The following HS3ST3A1 variants were observed in gnomAD, a reference collection of about 807,000 sequenced individuals.
HS3ST3A1 encodes heparan sulfate glucosamine 3-O-sulfotransferase 3A1.
Under a neutral mutation model 25.7 loss-of-function variants are expected in HS3ST3A1, and 19 were observed. The ratio of observed to expected loss-of-function variants is 0.74; its 90% confidence interval spans 0.52 to 1.08. The LOEUF (loss-of-function observed/expected upper bound fraction) is 1.08. Ranked by LOEUF, HS3ST3A1 falls within the 50% of genes least tolerant of loss-of-function variation. The pLI, the probability that HS3ST3A1 is intolerant of heterozygous loss-of-function variation, is 0.00. For missense variants in HS3ST3A1, 459 were observed against 594.3 expected, an observed-to-expected ratio of 0.77 and a Z score of 2.37; for synonymous variants, 226 against 278.6, an observed-to-expected ratio of 0.81 and a Z score of 1.88.
chr17:13,563,650 A>G (rs1318753765), intron 1 of HS3ST3A1, among the ~76,000 whole-genome samples: 1 of 152,144 alleles, frequency 6.6e-6, no homozygotes, highest in Non-Finnish European at 1.5e-5. Flanking sequence ...TAACTCTGGG[A>G]ATCACTAAGT....
intron 1 of HS3ST3A1, among the ~76,000 whole-genome samples, chr17:13,562,181 C>CG (rs1306988721): frequency 2.0e-5 from 3 of 152,152 alleles, no homozygotes; most frequent in Admixed American, 1.3e-4. Flanking sequence ...AATAGGCAAG[C>CG]AGTAACTTTG....
At chr17:13,528,732 G>A (rs1328555177) in intron 1 of HS3ST3A1, among the ~76,000 whole-genome samples, 1 of 152,176 alleles carries the variant, frequency 6.6e-6, no homozygotes, top group Non-Finnish European at 1.5e-5. Context: ...TCCAACCACT[G>A]GGGGAACTGA....
chr17:13,510,948 C>T (rs185016289), intron 1 of HS3ST3A1, among the ~76,000 whole-genome samples: 1 of 152,200 alleles, frequency 6.6e-6, no homozygotes, highest in African/African-American at 2.4e-5. Context: ...TTATTAATCA[C>T]TCTTATGATA....
intron 1 of HS3ST3A1, among the ~76,000 whole-genome samples, chr17:13,529,470 C>T (rs992355465): frequency 3.3e-5 from 5 of 151,908 alleles, no homozygotes; most frequent in African/African-American, 4.8e-5. Flanking sequence ...AAAAAATTAC[C>T]AAACTGCATT....
intron 1 of HS3ST3A1, among the ~76,000 whole-genome samples, chr17:13,563,797 G>A (rs1262380020): frequency 6.6e-6 from 1 of 152,090 alleles, no homozygotes; most frequent in Non-Finnish European, 1.5e-5. Context: ...TGGAGTATGC[G>A]GTTGCAGCTC....
intron 1 of HS3ST3A1, among the ~76,000 whole-genome samples, chr17:13,566,331 T>C (rs1274085659): frequency 6.6e-6 from 1 of 152,218 alleles, no homozygotes; most frequent in Non-Finnish European, 1.5e-5. Flanking sequence ...AGGAATTTTA[T>C]TGATAAATGT....
At chr17:13,571,518 G>A (rs866504677) in intron 1 of HS3ST3A1, among the ~76,000 whole-genome samples, 2 of 152,172 alleles carry the variant, frequency 1.3e-5, no homozygotes, top group South Asian at 4.1e-4. Flanking sequence ...TCACCTCAAT[G>A]ACTGACAATT....
chr17:13,504,596 G>C (rs1905595910), intron 1 of HS3ST3A1, among the ~76,000 whole-genome samples: 1 of 152,106 alleles, frequency 6.6e-6, no homozygotes, highest in Non-Finnish European at 1.5e-5. Flanking sequence ...CTTGAGCTGT[G>C]TCCCATGATT....
intron 1 of HS3ST3A1, among the ~76,000 whole-genome samples, chr17:13,546,058 C>T (rs1263732768): frequency 6.6e-6 from 1 of 152,004 alleles, no homozygotes; most frequent in African/African-American, 2.4e-5. Flanking sequence ...AGAGAGAGTG[C>T]GTATGTGCAT....
rs151225974 is a variant in HS3ST3A1 at position 13,584,481 on chromosome 17, C to T, written c.599+16050G>A. On this transcript the variant is annotated intron_variant, in intron 1 of 1. Transcript: ENST00000284110. ...AGGAAGGAAGGAAGGAAGGGAGAGA[C>T]GGAGGGAGGGAGGGAGGCAAAGAAG... is the stretch of plus-strand genomic sequence containing the variant. Among the ~76,000 whole-genome samples the T allele has an allele frequency of 8.1e-3, 478 of 59,356 alleles. 3 individuals carry two copies. The highest frequency in any genetic ancestry group is 0.02 in the African/African-American group (444 of 22,112). The allele number at this position is 59,356 out of a possible 152,430, so 38.9% of individuals were successfully genotyped here. A position where few individuals can be genotyped will look rare whatever the true frequency, so the allele number is the denominator to read the frequency against.
intron 1 of HS3ST3A1, among the ~76,000 whole-genome samples, chr17:13,553,413 C>A (rs1025328636): frequency 6.6e-6 from 1 of 152,174 alleles, no homozygotes; most frequent in Non-Finnish European, 1.5e-5. Flanking sequence ...CATCATTGCA[C>A]TGGCAGCTTT....
intron 1 of HS3ST3A1, among the ~76,000 whole-genome samples, chr17:13,541,187 C>T (rs1370610506): frequency 6.6e-6 from 1 of 152,124 alleles, no homozygotes; most frequent in South Asian, 2.1e-4. Flanking sequence ...GCTAAAGAGG[C>T]TAAGACTACA....
intron 1 of HS3ST3A1, among the ~76,000 whole-genome samples, chr17:13,597,465 A>G (rs975326735): frequency 6.6e-6 from 1 of 152,162 alleles, no homozygotes; most frequent in Non-Finnish European, 1.5e-5. Flanking sequence ...CATACATACA[A>G]GAGAAATGGA....
chr17:13,569,181 G>A (rs1907743679), intron 1 of HS3ST3A1, among the ~76,000 whole-genome samples: 1 of 152,116 alleles, frequency 6.6e-6, no homozygotes, highest in Non-Finnish European at 1.5e-5. Context: ...CTTTTCTCCT[G>A]TTTATTGTCT....
chr17:13,538,066 A>G (rs1006483), intron 1 of HS3ST3A1, among the ~76,000 whole-genome samples: 65,735 of 152,074 alleles, frequency 0.43, 14,874 homozygotes, highest in Middle Eastern at 0.53. Context: ...AGAAACATCT[A>G]TTTGGTCTGT....
chr17:13,565,263 C>T (rs149481723), intron 1 of HS3ST3A1, among the ~76,000 whole-genome samples: 2,501 of 152,194 alleles, frequency 0.016, 67 homozygotes, highest in African/African-American at 0.055. Context: ...TGAGGCCAGG[C>T]GCAGTTGCCC....
At chr17:13,540,290 T>G (rs1906893451) in intron 1 of HS3ST3A1, among the ~76,000 whole-genome samples, 1 of 152,204 alleles carries the variant, frequency 6.6e-6, no homozygotes, top group Non-Finnish European at 1.5e-5. Flanking sequence ...CTTTCTGAGT[T>G]CTTGCCAAAG....
At chr17:13,497,108 T>C (rs1489107541) in intron 1 of HS3ST3A1, among the ~76,000 whole-genome samples, 1 of 152,216 alleles carries the variant, frequency 6.6e-6, no homozygotes, top group African/African-American at 2.4e-5. Context: ...ACGTTAAGTT[T>C]CTGTGTTTTA....
intron 1 of HS3ST3A1, among the ~76,000 whole-genome samples, chr17:13,561,353 G>A (rs1374634707): frequency 1.3e-5 from 2 of 151,336 alleles, no homozygotes; most frequent in Non-Finnish European, 2.9e-5. Flanking sequence ...TTTCTTGTGA[G>A]CATTCGAGCA....
Sources: gnomAD v4.1 joint callset for allele counts (sites outside exome capture counted in the v4.1 genomes callset) on GRCh38, gnomAD v4.1.1 for gene constraint, MANE v1.5 for transcripts, NCBI Gene and HGNC (gene_info 2026-07-23, HGNC 2026-07-21) for gene names.